Variants in DLGAP2 observed in about 807,000 individuals in gnomAD.
DLGAP2 encodes the protein disks large-associated protein 2.
Under a neutral mutation model 100.3 loss-of-function variants are expected in DLGAP2, and 26 were observed. That is an observed-to-expected ratio of 0.26 (90% CI 0.19 to 0.36). The LOEUF (loss-of-function observed/expected upper bound fraction) is 0.36, where lower values mean the gene tolerates loss of function less well. Ranked by LOEUF, DLGAP2 falls within the 10% of genes least tolerant of loss-of-function variation. The pLI is 1.00. For missense variants in DLGAP2, 1,858 were observed against 1,453.2 expected, an observed-to-expected ratio of 1.28 and a Z score of -4.53; for synonymous variants, 886 against 630.1, an observed-to-expected ratio of 1.41 and a Z score of -6.08.
chr8:1,690,494 C>T (rs1399954357), intron 12 of DLGAP2, among the ~76,000 whole-genome samples: 1 of 150,740 alleles, frequency 6.6e-6, no homozygotes, highest in Non-Finnish European at 1.5e-5. Flanking sequence ...CACCTGAGGT[C>T]GGGAGTTCGA....
intron 1 of DLGAP2, among the ~76,000 whole-genome samples, chr8:906,377 T>C (rs1042898801): frequency 6.6e-6 from 1 of 152,216 alleles, no homozygotes; most frequent in African/African-American, 2.4e-5. Context: ...TGGTGGATCA[T>C]TGAATCCCTC....
chr8:1,202,821 C>G (rs770486099), intron 2 of DLGAP2, among the ~76,000 whole-genome samples: 1 of 152,236 alleles, frequency 6.6e-6, no homozygotes, highest in East Asian at 1.9e-4. Context: ...CACGCCTGAT[C>G]AGATGCAGCT....
chr8:976,387 G>A (rs182195624), intron 2 of DLGAP2, among the ~76,000 whole-genome samples: 18 of 152,080 alleles, frequency 1.2e-4, no homozygotes, highest in South Asian at 4.2e-4. Context: ...CGAGGCGGGC[G>A]GATCACAAGG....
chr8:742,520 C>G (rs955013591), intron 1 of DLGAP2, among the ~76,000 whole-genome samples: 7 of 152,146 alleles, frequency 4.6e-5, no homozygotes, highest in African/African-American at 1.7e-4. Context: ...TTGCAAGTGG[C>G]TTTTTAGAGA....
chr8:1,560,509 C>T (rs893715906), intron 5 of DLGAP2, among the ~76,000 whole-genome samples: 2 of 152,132 alleles, frequency 1.3e-5, no homozygotes, highest in Non-Finnish European at 2.9e-5. Flanking sequence ...CCCTGATTAC[C>T]AATTCCCCAG....
At chr8:830,695 A>G (rs191684022) in intron 1 of DLGAP2, among the ~76,000 whole-genome samples, 69 of 152,096 alleles carry the variant, frequency 4.5e-4, no homozygotes, top group Non-Finnish European at 8.2e-4. Context: ...CAATATTACT[A>G]CGATGTTTAT....
chr8:1,093,736 G>C (rs1000522828), intron 2 of DLGAP2, among the ~76,000 whole-genome samples: 2 of 152,284 alleles, frequency 1.3e-5, no homozygotes, highest in African/African-American at 4.8e-5. Flanking sequence ...CTGACAGCCA[G>C]ACAGGTGTTT....
intron 2 of DLGAP2, among the ~76,000 whole-genome samples, chr8:981,982 C>A (rs367617131): frequency 6.6e-6 from 1 of 152,210 alleles, no homozygotes; most frequent in African/African-American, 2.4e-5. Context: ...ACATCCCTGG[C>A]CTTGGAAGTC....
At chr8:1,221,697 G>T (rs1002330699) in intron 2 of DLGAP2, among the ~76,000 whole-genome samples, 1 of 152,148 alleles carries the variant, frequency 6.6e-6, no homozygotes, top group African/African-American at 2.4e-5. Flanking sequence ...TATTTTCCGA[G>T]TTGCTTGCTG....
chr8:1,607,722 A>C (rs111977379), intron 6 of DLGAP2, among the ~76,000 whole-genome samples: 1 of 152,204 alleles, frequency 6.6e-6, no homozygotes, highest in Admixed American at 6.5e-5. Context: ...GCATTGCCTC[A>C]CCTGGGAAGC....
Position 1,267,456 on chromosome 8 carries a change from A to C in DLGAP2, c.106+8573A>C, listed in dbSNP as rs982667151. Among the ~76,000 whole-genome samples, 11 of 148,716 alleles carry C rather than the reference A, an allele frequency of 7.4e-5. 1 individual carries two copies. The South Asian group carries it at 2.3e-3, about 32-fold the overall frequency. On this transcript the variant is annotated intron_variant, in intron 3 of 14. Coordinates refer to ENST00000637795, the MANE Select transcript of DLGAP2 (RefSeq NM_001346810.2). Reference sequence around the variant, plus strand: ...CGGCGGGCGCCTGTAACCCCAGCTAATTGGGAGGCTGAGAATCGCTTGAAC... The same window carrying C: ...CGGCGGGCGCCTGTAACCCCAGCTACTTGGGAGGCTGAGAATCGCTTGAAC...
chr8:1,317,436 C>T (rs532305071), intron 3 of DLGAP2, among the ~76,000 whole-genome samples: 10 of 108,790 alleles, frequency 9.2e-5, no homozygotes, highest in East Asian at 8.9e-4. Context: ...CGAGAAACTT[C>T]GCAGCTTTTA....
In DLGAP2 at chr8:1,012,418, C is replaced by T. The variant is rs932470299; in HGVS notation, c.73+104452C>T. ...TTGGACCCACAGGCTGCTGCGCGAGCGAGGATCTCCAGTAGTCTCTGTGTG... is the reference window on the plus strand; with the variant it reads ...TTGGACCCACAGGCTGCTGCGCGAGTGAGGATCTCCAGTAGTCTCTGTGTG... On this transcript the variant is annotated intron_variant, in intron 2 of 14. Coordinates refer to ENST00000637795, the MANE Select transcript of DLGAP2 (RefSeq NM_001346810.2). Among the ~76,000 whole-genome samples, 9 of 152,254 alleles carry T rather than the reference C, an allele frequency of 5.9e-5. No individual in the cohort carries two copies. The East Asian group carries it at 1.2e-3, about 20-fold the overall frequency.
chr8:1,156,957 G>A (rs1015739360), intron 2 of DLGAP2, among the ~76,000 whole-genome samples: 4 of 151,996 alleles, frequency 2.6e-5, no homozygotes, highest in South Asian at 2.1e-4. Flanking sequence ...TGTCTTCACC[G>A]TGCTTAATTC....
chr8:1,492,555 C>T (rs1039968440), intron 3 of DLGAP2, among the ~76,000 whole-genome samples: 3 of 152,220 alleles, frequency 2.0e-5, no homozygotes, highest in East Asian at 3.9e-4. Flanking sequence ...GACCGCGCTT[C>T]GCTCCGCAAA....
intron 2 of DLGAP2, among the ~76,000 whole-genome samples, chr8:1,070,874 C>A (rs572623230): frequency 6.6e-6 from 1 of 152,224 alleles, no homozygotes; most frequent in South Asian, 2.1e-4. Flanking sequence ...ACTCTCCAGA[C>A]CCCACAATTG....
chr8:1,588,866 G>T (rs1563240823), intron 6 of DLGAP2, among the ~76,000 whole-genome samples: 1 of 151,808 alleles, frequency 6.6e-6, no homozygotes, highest in African/African-American at 2.4e-5. Flanking sequence ...AGGTTGCATT[G>T]AGCCGAGATC....
chr8:1,301,489 A>G (rs1052791995), intron 3 of DLGAP2: 3 of 152,108 alleles, frequency 2.0e-5, no homozygotes, highest in African/African-American at 4.8e-5. Context: ...GATCAGCTCA[A>G]GATAGGTCTG....
At chr8:1,318,254 C>T (rs1800812233) in intron 3 of DLGAP2, among the ~76,000 whole-genome samples, 1 of 152,192 alleles carries the variant, frequency 6.6e-6, no homozygotes, top group African/African-American at 2.4e-5. Flanking sequence ...ACTTTGATTT[C>T]TCCAAATCGT....
Sources: gnomAD v4.1 joint callset for allele counts (sites outside exome capture counted in the v4.1 genomes callset) on GRCh38, gnomAD v4.1.1 for gene constraint, MANE v1.5 for transcripts, NCBI Gene and HGNC (gene_info 2026-07-23, HGNC 2026-07-21) for gene names.